AGBL1: variants seen among roughly 807,000 people sequenced by gnomAD.
AGBL1 encodes AGBL carboxypeptidase 1.
AGBL1 carries 130 observed loss-of-function variants against 118.9 expected under a neutral mutation model. The observed-to-expected ratio is 1.09, with a 90% confidence interval of 0.95 to 1.26. The LOEUF is 1.26. AGBL1 is among the 50% of genes most tolerant of loss of function. The pLI is 0.00. For synonymous variants in AGBL1, 555 were observed against 478.9 expected (o/e 1.16, Z -2.08); for missense variants, 1,584 against 1,298.1 (o/e 1.22, Z -3.38).
chr15:86,546,403 A>C (rs1415694308), intron 20 of AGBL1, among the ~76,000 whole-genome samples: 1 of 152,168 alleles, frequency 6.6e-6, no homozygotes, highest in African/African-American at 2.4e-5. Context: ...AACTAGAGAC[A>C]GAAGACCTCA....
chr15:86,433,278 T>C (rs1319223718), intron 18 of AGBL1, among the ~76,000 whole-genome samples: 2 of 101,228 alleles, frequency 2.0e-5, no homozygotes, highest in Admixed American at 2.2e-4. Context: ...TTTTTTTTTT[T>C]TTTTTTTTTT....
Position 86,546,095 on chromosome 15 carries a change from G to A in AGBL1, c.2779G>A (p.Val927Met). ...KETLWQAACT[V>M]GTSTILEEVN... The stretch of plus-strand genomic sequence containing the variant: ...AACCTTGTGGCAAGCAGCATGCACT[G>A]TGGGCACATCTACTATCCTAGAGGA... The change falls in exon 20 of 23, where the codon GTG becomes ATG. Residue 927 changes from valine (V) to methionine (M), a missense_variant. By Grantham distance (21) the Val-to-Met change is conservative. Coordinates refer to ENST00000614907, the MANE Select transcript of AGBL1 (RefSeq NM_001386094.1). 1 of 1,613,388 alleles carries A rather than the reference G, an allele frequency of 6.2e-7. No homozygotes were observed. The highest frequency in any genetic ancestry group is 8.5e-7 in the Non-Finnish European group (1 of 1,179,572).
At chr15:86,339,912 G>C (rs943236602) in intron 17 of AGBL1, among the ~76,000 whole-genome samples, 2 of 151,938 alleles carry the variant, frequency 1.3e-5, no homozygotes, top group African/African-American at 4.8e-5. Context: ...GTTGCAGTGA[G>C]CCGGGATTGT....
Position 86,545,988 on chromosome 15 carries a change from T to C in AGBL1, c.2686-14T>C. On this transcript the variant is annotated splice_polypyrimidine_tract_variant and intron_variant, in intron 19 of 22. Transcript: ENST00000614907. ...TGACCTGGTTTTATTTTCTCCTTTG[T>C]TGGGCTATTGTAGGTTTTCTGTGAC... 1 of 1,610,016 alleles carries C rather than the reference T, an allele frequency of 6.2e-7. No individual in the cohort carries two copies. The highest frequency in any genetic ancestry group is 1.3e-5 in the African/African-American group (1 of 74,978).
intron 1 of AGBL1, among the ~76,000 whole-genome samples, chr15:86,103,273 T>C (rs1322174670): frequency 6.6e-6 from 1 of 152,222 alleles, no homozygotes; most frequent in Non-Finnish European, 1.5e-5. Context: ...AAAAAATAAT[T>C]TAATTGTACA....
At chr15:86,341,670 A>G (rs895619100) in intron 17 of AGBL1, among the ~76,000 whole-genome samples, 3 of 152,138 alleles carry the variant, frequency 2.0e-5, no homozygotes, top group African/African-American at 4.8e-5. Context: ...CTCGGGCACT[A>G]CAAAGATCTA....
At chr15:86,609,921 A>C (rs1205410579) in intron 21 of AGBL1, among the ~76,000 whole-genome samples, 1 of 152,136 alleles carries the variant, frequency 6.6e-6, no homozygotes, top group African/African-American at 2.4e-5. Flanking sequence ...TTTTTATCTT[A>C]ACTTTAATTG....
At chr15:86,387,666 A>ATCATTATCC (rs2081217129) in intron 17 of AGBL1, among the ~76,000 whole-genome samples, 1 of 152,184 alleles carries the variant, frequency 6.6e-6, no homozygotes, top group African/African-American at 2.4e-5. Flanking sequence ...CAATAGAATG[A>ATCATTATCC]TCATTATCCT....
chr15:86,441,092 A>G (rs1016924047), intron 18 of AGBL1, among the ~76,000 whole-genome samples: 3 of 152,208 alleles, frequency 2.0e-5, no homozygotes, highest in African/African-American at 7.2e-5. Context: ...CTCTCAAGAA[A>G]GATGATTTTC....
chr15:86,690,537 G>A (rs1251930542), intron 22 of AGBL1, among the ~76,000 whole-genome samples: 1 of 152,096 alleles, frequency 6.6e-6, no homozygotes, highest in African/African-American at 2.4e-5. Context: ...TTATTAACAT[G>A]GGTAATCCAC....
At chr15:86,250,525 C>CAAA (rs60432449) in intron 7 of AGBL1, among the ~76,000 whole-genome samples, 1 of 38,972 alleles carries the variant, frequency 2.6e-5, no homozygotes, top group African/African-American at 9.6e-5. Context: ...GACTCTGTCT[C>CAAA]AAAAAAAAAA....
intron 22 of AGBL1, among the ~76,000 whole-genome samples, chr15:86,857,714 A>G (rs902461958): frequency 1.3e-5 from 2 of 152,142 alleles, no homozygotes; most frequent in African/African-American, 4.8e-5. Context: ...AGGCTCTGAG[A>G]TGCAGGAGGG....
At chr15:86,627,850 C>T (rs1430945165) in intron 21 of AGBL1, among the ~76,000 whole-genome samples, 1 of 152,150 alleles carries the variant, frequency 6.6e-6, no homozygotes, top group African/African-American at 2.4e-5. Context: ...GCTGTTTTCA[C>T]ATCTTTGCCA....
intron 22 of AGBL1, among the ~76,000 whole-genome samples, chr15:86,862,457 T>G (rs1190273249): frequency 6.6e-6 from 1 of 152,158 alleles, no homozygotes; most frequent in Non-Finnish European, 1.5e-5. Context: ...TGGTGGCTCA[T>G]GCCTGTAATC....
chr15:86,113,853 A>G (rs951050462), intron 1 of AGBL1, among the ~76,000 whole-genome samples: 6 of 152,178 alleles, frequency 3.9e-5, no homozygotes, highest in African/African-American at 1.2e-4. Context: ...TAGGTAGTCT[A>G]AGAAAAATGA....
intron 7 of AGBL1, among the ~76,000 whole-genome samples, chr15:86,252,785 C>T (rs369504224): frequency 5.3e-5 from 8 of 152,236 alleles, no homozygotes; most frequent in East Asian, 3.9e-4. Flanking sequence ...ACAACTAGGA[C>T]GTTTTGGAGG....
At chr15:86,585,396 G>A (rs200831419) in intron 21 of AGBL1, among the ~76,000 whole-genome samples, 2 of 59,592 alleles carry the variant, frequency 3.4e-5, no homozygotes, top group South Asian at 1.0e-3. Context: ...TTCTTTTTAT[G>A]TATTTATTTA....
chr15:86,123,541 G>A (rs992391329), intron 1 of AGBL1, among the ~76,000 whole-genome samples: 7 of 152,058 alleles, frequency 4.6e-5, no homozygotes, highest in Admixed American at 2.6e-4. Context: ...CGCCCACCCC[G>A]GGACCCCTTT....
rs1596624059 is a variant in AGBL1, at chr15:86,911,528, G to C, written c.*4234G>C. The C allele has an allele frequency of 6.6e-6, 1 of 152,172 alleles. No homozygotes were observed. The highest frequency in any genetic ancestry group is 1.5e-5 in the Non-Finnish European group (1 of 68,096). 9.4% of individuals were successfully genotyped at this position (152,172 alleles called of 1,614,324 possible). ...AATCTCCTTGACAGCCTCAGGTTCT[G>C]ACATTCTTTGTTCTCTTTGATTTGC... On this transcript the variant is annotated 3_prime_UTR_variant, in exon 23 of 23. Transcript: ENST00000614907.
Sources: gnomAD v4.1 joint callset for allele counts (sites outside exome capture counted in the v4.1 genomes callset) on GRCh38, gnomAD v4.1.1 for gene constraint, MANE v1.5 for transcripts, NCBI Gene and HGNC (gene_info 2026-07-23, HGNC 2026-07-21) for gene names.